CDR2L: variants seen among roughly 807,000 people sequenced by gnomAD.
CDR2L encodes cerebellar degeneration-related protein 2-like.
In CDR2L, 19 loss-of-function variants were observed where a neutral mutation model predicts 36.1. The ratio of observed to expected loss-of-function variants is 0.53; its 90% CI spans 0.37 to 0.77. The LOEUF is 0.77. CDR2L is among the 30% of genes least tolerant of loss of function. CDR2L has a pLI of 0.00. For synonymous variants in CDR2L, 285 were observed against 280.4 expected (o/e 1.02, Z -0.16); for missense variants, 575 against 627.2 (o/e 0.92, Z 0.89).
Position 75,003,764 on chromosome 17 carries a change from T to C in CDR2L, c.1088T>C (p.Leu363Pro). 6.6e-7 allele frequency: 1 copy of C among 1,507,182 alleles called. No homozygotes were observed. The highest frequency in any genetic ancestry group is 8.9e-7 in the Non-Finnish European group (1 of 1,125,208). The allele number at this position is 1,507,182 out of a possible 1,614,324, so 93.4% of individuals were successfully genotyped here. A position where few individuals can be genotyped will look rare whatever the true frequency, so the allele number is the denominator to read the frequency against. Residue 363 changes from leucine (L) to proline (P), a missense_variant, in exon 5 of 5, where the codon CTG becomes CCG. Leu to Pro is a moderately conservative substitution (Grantham distance 98). Coordinates refer to ENST00000337231, the MANE Select transcript of CDR2L (RefSeq NM_014603.3). ...GAGGTGGACGAGCAGTACCACGCGC[T>C]GCTGGAGAAGTACGAGGAGCTGCTG... ...LREVDEQYHALLEKYEELLSK... is the reference protein window; with the variant it reads ...LREVDEQYHAPLEKYEELLSK...
rs58010394 is a variant in CDR2L at position 74,993,282 on chromosome 17, CT to C, written c.79+5172del. Among the ~76,000 whole-genome samples, 1,340 of 146,736 alleles carry C rather than the reference CT, an allele frequency of 9.1e-3. 15 individuals carry two copies. The highest frequency in any genetic ancestry group is 0.029 in the African/African-American group (1,181 of 40,256). ...ATATAGTACAGGGCTGTAGTTCAAT[CT>C]TTTTTTTTTTTCAAGACAGAGTCTT... On this transcript the variant is annotated intron_variant, in intron 1 of 4. Coordinates refer to ENST00000337231, the MANE Select transcript of CDR2L (RefSeq NM_014603.3).
intron 3 of CDR2L, 33 bp downstream of exon 3, chr17:75,001,522 G>A (rs780570234): frequency 3.1e-5 from 47 of 1,493,338 alleles, no homozygotes; most frequent in Admixed American, 1.4e-4. Flanking sequence ...GGGGGCGGGC[G>A]AGGGAGAGCC....
Position 74,987,849 on chromosome 17 carries a change from G to T in CDR2L, c.-195G>T. 1 of 270,470 alleles carries T rather than the reference G, an allele frequency of 3.7e-6. No individual in the cohort carries two copies. The allele number at this position is 270,470 out of a possible 1,614,324, so 16.8% of individuals were successfully genotyped here. A position where few individuals can be genotyped will look rare whatever the true frequency, so the allele number is the denominator to read the frequency against. ...CCCCCGGCTCTGCGGGACCCCGGCC[G>T]GGCCGGACCCTGGCAAAGCGCCAGG... On this transcript the variant is annotated 5_prime_UTR_variant, in exon 1 of 5. Coordinates refer to ENST00000337231, the MANE Select transcript of CDR2L (RefSeq NM_014603.3).
rs2039866224 is a variant in CDR2L at position 75,001,443 on chromosome 17, C to T, written c.295C>T (p.His99Tyr). Residue 99 changes from histidine to tyrosine, a missense_variant, in exon 3 of 5, where the codon CAC becomes TAC. His to Tyr is a moderately conservative substitution (Grantham distance 83). Coordinates refer to ENST00000337231, the MANE Select transcript of CDR2L (RefSeq NM_014603.3). Reference protein sequence around the residue: ...LTARDLELTNHRLVLESKAAQ... With the variant: ...LTARDLELTNYRLVLESKAAQ... ...AGCCCGGGACCTGGAGCTGACCAACCACAGGCTGGTGCTGGAGAGTAAGGC... is the reference window on the plus strand; with the variant it reads ...AGCCCGGGACCTGGAGCTGACCAACTACAGGCTGGTGCTGGAGAGTAAGGC... 2 of 1,602,806 alleles carry T rather than the reference C, an allele frequency of 1.2e-6. No homozygotes were observed. The highest frequency in any genetic ancestry group is 2.3e-5 in the South Asian group (2 of 88,822).
chr17:75,001,972 A>G lies in CDR2L; in HGVS notation c.342-92A>G, dbSNP rs376882114. On this transcript the variant is annotated intron_variant, in intron 3 of 4. Coordinates refer to ENST00000337231, the MANE Select transcript of CDR2L (RefSeq NM_014603.3). ...AGGGTACCTGTCTGCCTCCTACCCA[A>G]CGTCCCTCCATCTTCAGGGAGCCAG... 1.6e-5 allele frequency: 18 copies of G among 1,138,474 alleles called. No individual in the cohort carries two copies. The East Asian group carries it at 2.5e-4, about 16-fold the overall frequency. The allele number at this position is 1,138,474 out of a possible 1,614,324, so 70.5% of individuals were successfully genotyped here.
At chr17:74,997,051 TC>T (rs1598654356) in intron 1 of CDR2L, among the ~76,000 whole-genome samples, 4 of 9,148 alleles carry the variant, frequency 4.4e-4, no homozygotes, top group East Asian at 0.062. Flanking sequence ...TTTCTTTCTT[TC>T]TTTCTTTCTT....
At chr17:75,001,276 G>GGC in intron 2 of CDR2L, 65 bp from the exon 3 acceptor site, 1 of 1,349,858 alleles carries the variant, frequency 7.4e-7, no homozygotes, top group Non-Finnish European at 1.0e-6. Context: ...AAGTAGGAGG[G>GGC]TCTAGGCAGA....
rs770616424 is a variant in CDR2L at position 75,002,487 on chromosome 17, T to A, written c.506+259T>A. Among the ~76,000 whole-genome samples the A allele has an allele frequency of 4.6e-5, 7 of 152,228 alleles. No homozygotes were observed. The highest frequency in any genetic ancestry group is 1.3e-4 in the Admixed American group (2 of 15,288). On this transcript the variant is annotated intron_variant, in intron 4 of 4. Transcript: ENST00000337231. This position sits in a 1 kb window ranked among gnomAD's most constrained non-coding sequence, Gnocchi z 4.1. ...GATGATAAAACTGAAGCCCAGAGGT[T>A]GTGTGTCTTATCCAAGGTCACCTGT...
chr17:74,990,936 T>G (rs973527627), intron 1 of CDR2L, among the ~76,000 whole-genome samples: 4 of 152,222 alleles, frequency 2.6e-5, no homozygotes, highest in African/African-American at 9.6e-5. Context: ...TCTTCCCTCC[T>G]GTCTGTTTCC....
intron 1 of CDR2L, among the ~76,000 whole-genome samples, chr17:74,996,250 C>A (rs903091305): frequency 2.6e-5 from 4 of 151,924 alleles, no homozygotes; most frequent in Non-Finnish European, 4.4e-5. Context: ...TTGAGACCAG[C>A]CTGACCAACA....
chr17:74,994,066 TC>T (rs2039811773), intron 1 of CDR2L, among the ~76,000 whole-genome samples: 1 of 152,216 alleles, frequency 6.6e-6, no homozygotes, highest in South Asian at 2.1e-4. Flanking sequence ...CCTGGGCTCA[TC>T]CCAAAGGAAA....
In CDR2L at chr17:75,003,655, G is replaced by A; in HGVS notation, c.979G>A (p.Ala327Thr). ...CSDTALNAIV[A>T]KDPASRHAGN... ...CGACACTGCGCTCAACGCCATCGTGGCCAAAGACCCAGCCAGCCGGCACGC... is the reference window on the plus strand; with the variant it reads ...CGACACTGCGCTCAACGCCATCGTGACCAAAGACCCAGCCAGCCGGCACGC... The change falls in exon 5 of 5, where the codon GCC becomes ACC. Residue 327 changes from alanine to threonine, a missense_variant. Transcript: ENST00000337231. 6.9e-7 allele frequency: 1 copy of A among 1,458,570 alleles called. No individual in the cohort carries two copies. Among genetic ancestry groups the A allele is most frequent in the South Asian group, 1.5e-5 (1 of 68,834 alleles). 90.4% of individuals were successfully genotyped at this position (1,458,570 alleles called of 1,614,324 possible).
intron 2 of CDR2L, among the ~76,000 whole-genome samples, chr17:75,000,626 A>AC (rs1164101207): frequency 2.0e-5 from 3 of 149,438 alleles, no homozygotes; most frequent in Non-Finnish European, 4.5e-5. Flanking sequence ...TTAAAAAAAA[A>AC]AAAAAAGGCC....
rs1157593906 is a variant in CDR2L, at chr17:75,003,492, C to T, written c.816C>T (p.Ala272=). 4 of 1,555,058 alleles carry T rather than the reference C, an allele frequency of 2.6e-6. No individual in the cohort carries two copies. The African/African-American group carries it at 4.1e-5, about 16-fold the overall frequency. The change falls in exon 5 of 5, where the codon GCC becomes GCT. Residue 272 remains alanine, a synonymous_variant. Transcript: ENST00000337231. ...TACTGGGTCCGGACGACCACCTGGC[C>T]GAGGCCCTGCTCGCACCCCTCACGC... ...TYLLGPDDHL[A]EALLAPLTQA...
In CDR2L at chr17:75,002,099, T is replaced by C; in HGVS notation, c.377T>C (p.Val126Ala). The change falls in exon 4 of 5, where the codon GTG (valine) becomes GCG (alanine). Residue 126 changes from valine to alanine, a missense_variant. Transcript: ENST00000337231. The surrounding 1 kb of genome is among the most constrained non-coding windows in gnomAD (Gnocchi z 4.1). ...TETIERLQAQ[V>A]EELQAQVEQL... ...ACCATTGAGCGCCTCCAGGCTCAGG[T>C]GGAGGAGCTGCAGGCCCAGGTGGAG... 3.1e-6 allele frequency: 5 copies of C among 1,599,906 alleles called. No individual in the cohort carries two copies. The highest frequency in any genetic ancestry group is 4.3e-6 in the Non-Finnish European group (5 of 1,174,484).
At chr17:74,992,030 C>T (rs1274856588) in intron 1 of CDR2L, among the ~76,000 whole-genome samples, 4 of 152,170 alleles carry the variant, frequency 2.6e-5, no homozygotes, top group Admixed American at 6.5e-5. Context: ...GGCTGACAGT[C>T]GTGCCCTGGA....
Position 75,002,037 on chromosome 17 carries a change from CCT to C in CDR2L, c.342-26_342-25del, listed in dbSNP as rs1205921853. 3.3e-6 allele frequency: 5 copies of C among 1,536,262 alleles called. No individual in the cohort carries two copies. The highest frequency in any genetic ancestry group is 2.3e-4 in the Middle Eastern group (1 of 4,306). Reference sequence around the variant, plus strand: ...AAACTGGCCCCATCCCCTTAAAGTCCCTGTGTGTCCACCACCCCGCCCCCAGG... The same window carrying C: ...AAACTGGCCCCATCCCCTTAAAGTCCGTGTGTCCACCACCCCGCCCCCAGG... On this transcript the variant is annotated intron_variant, in intron 3 of 4. Transcript: ENST00000337231. This position sits in a 1 kb window ranked among gnomAD's most constrained non-coding sequence, Gnocchi z 4.1.
At position 75,001,341 on chromosome 17, in the gene CDR2L, T is replaced by C. The variant is rs200365440; in HGVS notation, c.193T>C (p.Tyr65His). 1.9e-6 allele frequency: 3 copies of C among 1,604,796 alleles called. No homozygotes were observed. The highest frequency in any genetic ancestry group is 2.6e-6 in the Non-Finnish European group (3 of 1,175,954). ...TTACTCAATGTCCTTCCACCCCCAG[T>C]ACCTAACCAAGCAGCTGGACACGCT... ...TNEEQVQEIE[Y>H]LTKQLDTLRH... is the part of the protein sequence containing the mutation. Residue 65 changes from tyrosine (Y) to histidine (H), a missense_variant and splice_region_variant, in exon 3 of 5, where the codon TAC (tyrosine) becomes CAC (histidine). Tyr to His is a moderately conservative substitution (Grantham distance 83). Transcript: ENST00000337231.
rs2039784208 is a variant in CDR2L at position 74,989,507 on chromosome 17, T to C, written c.79+1385T>C. ...GGCAGTAAATTTTTCCATGAACACC[T>C]ATTAGGCTCCCCTTAAGTACCAGAC... is the stretch of plus-strand genomic sequence containing the variant. On this transcript the variant is annotated intron_variant, in intron 1 of 4. Transcript: ENST00000337231. The surrounding 1 kb of genome is among the most constrained non-coding windows in gnomAD (Gnocchi z 4.2). Among the ~76,000 whole-genome samples the C allele has an allele frequency of 6.6e-6, 1 of 151,718 alleles. No homozygotes were observed. Among genetic ancestry groups the C allele is most frequent in the Admixed American group, 6.6e-5 (1 of 15,242 alleles).
Sources: gnomAD v4.1 joint callset for allele counts (sites outside exome capture counted in the v4.1 genomes callset) on GRCh38, gnomAD v4.1.1 for gene constraint, Gnocchi (gnomAD v3.1) non-coding constraint, MANE v1.5 for transcripts, NCBI Gene and HGNC (gene_info 2026-07-23, HGNC 2026-07-21) for gene names.